Variants in DCLK1 observed in about 807,000 individuals in gnomAD.
DCLK1 encodes the protein doublecortin like kinase 1.
In DCLK1, 16 loss-of-function variants were observed where a neutral mutation model predicts 86.2. The ratio of observed to expected loss-of-function variants is 0.19; its 90% confidence interval spans 0.13 to 0.28. The LOEUF is 0.28. DCLK1 is among the 10% of genes least tolerant of loss of function. The pLI, the probability that DCLK1 is intolerant of heterozygous loss-of-function variation, is 1.00. For synonymous variants in DCLK1, 369 were observed against 370.5 expected, an observed-to-expected ratio of 1.00 and a Z score of 0.05; for missense variants, 590 against 940.2, an observed-to-expected ratio of 0.63 and a Z score of 4.87.
intron 3 of DCLK1, among the ~76,000 whole-genome samples, chr13:36,017,247 T>C (rs865881526): frequency 6.6e-6 from 1 of 152,172 alleles, no homozygotes; most frequent in Non-Finnish European, 1.5e-5. Context: ...GTGGAATAAT[T>C]ATTTTCACAG....
At chr13:35,911,791 C>A (rs1052963462) in intron 4 of DCLK1, among the ~76,000 whole-genome samples, 4 of 152,120 alleles carry the variant, frequency 2.6e-5, no homozygotes, top group Non-Finnish European at 4.4e-5. Flanking sequence ...CCATATACAC[C>A]CTTTAACTTA....
chr13:36,118,523 A>G (rs2138203781), intron 2 of DCLK1, among the ~76,000 whole-genome samples: 1 of 152,238 alleles, frequency 6.6e-6, no homozygotes, highest in South Asian at 2.1e-4. Context: ...GGCAGTAAAG[A>G]AGGAAATTAA....
chr13:35,905,436 C>T (rs757420736), intron 4 of DCLK1, among the ~76,000 whole-genome samples: 2 of 152,196 alleles, frequency 1.3e-5, no homozygotes, highest in South Asian at 2.1e-4. Context: ...AGCCAGGAGG[C>T]GCACAGCCCT....
intron 3 of DCLK1, among the ~76,000 whole-genome samples, chr13:36,092,206 G>GT (rs759738489): frequency 0.029 from 4,300 of 148,360 alleles, 78 homozygotes; most frequent in Non-Finnish European, 0.042. Context: ...GGCTCTTGAG[G>GT]TTTTTTTTTT....
rs1023697400 is a variant in DCLK1, at chr13:35,769,780, G to T, written c.*4755C>A. ...ATTTTACATTAAAGCAACATTAAGG[G>T]TCTCAATTTCATTGAACAGAAACAA... On this transcript the variant is annotated 3_prime_UTR_variant, in exon 17 of 17. Coordinates refer to ENST00000360631, the MANE Select transcript of DCLK1 (RefSeq NM_001330071.2). The T allele has an allele frequency of 2.0e-5, 3 of 152,080 alleles. No individual in the cohort carries two copies. Among genetic ancestry groups the T allele is most frequent in the Admixed American group, 1.3e-4 (2 of 15,262 alleles). 9.4% of individuals were successfully genotyped at this position (152,080 alleles called of 1,614,324 possible).
chr13:35,919,500 A>T (rs1477541499), intron 4 of DCLK1, among the ~76,000 whole-genome samples: 1 of 152,156 alleles, frequency 6.6e-6, no homozygotes, highest in Non-Finnish European at 1.5e-5. Flanking sequence ...GCTCCGGCTG[A>T]AGGAGAGGGT....
intron 3 of DCLK1, among the ~76,000 whole-genome samples, chr13:35,949,825 GTT>G (rs34920645): frequency 1.5e-5 from 2 of 130,672 alleles, no homozygotes; most frequent in East Asian, 2.2e-4. Context: ...ATCTTGGGCA[GTT>G]TTTTTTTTTT....
intron 16 of DCLK1, among the ~76,000 whole-genome samples, chr13:35,781,674 G>A (rs1482651865): frequency 6.6e-6 from 1 of 152,112 alleles, no homozygotes; most frequent in African/African-American, 2.4e-5. Context: ...ATCACATATA[G>A]TCTTCATTTC....
At chr13:35,826,886 GGT>G (rs2153105902) in intron 10 of DCLK1, among the ~76,000 whole-genome samples, 1 of 152,166 alleles carries the variant, frequency 6.6e-6, no homozygotes, top group East Asian at 2.0e-4. Flanking sequence ...CTCCAACTAA[GGT>G]AGACATTACT....
rs78144124 is a variant in DCLK1, at chr13:35,893,422, C to T, written c.824-22082G>A. On this transcript the variant is annotated intron_variant, in intron 4 of 16. Transcript: ENST00000360631. ...ACTTTGACAAAGTCATCAATAGCTACCATTTATTGAGCACTTCCTGTGTGC... is the reference window on the plus strand; with the variant it reads ...ACTTTGACAAAGTCATCAATAGCTATCATTTATTGAGCACTTCCTGTGTGC... Among the ~76,000 whole-genome samples, 613 of 152,314 alleles carry T rather than the reference C, an allele frequency of 4.0e-3. 11 individuals carry two copies. The highest frequency in any genetic ancestry group is 0.014 in the African/African-American group (585 of 41,562).
At chr13:36,028,521 C>T (rs1882134000) in intron 3 of DCLK1, among the ~76,000 whole-genome samples, 1 of 152,170 alleles carries the variant, frequency 6.6e-6, no homozygotes, top group Admixed American at 6.5e-5. Context: ...CTTGCTTCCT[C>T]CCGCCCTCCA....
At chr13:36,041,119 C>T (rs1226129627) in intron 3 of DCLK1, among the ~76,000 whole-genome samples, 1 of 152,068 alleles carries the variant, frequency 6.6e-6, no homozygotes, top group East Asian at 1.9e-4. Context: ...TGCTACTAGG[C>T]CCTCTCAGTT....
intron 5 of DCLK1, among the ~76,000 whole-genome samples, chr13:35,857,032 A>G (rs1213450799): frequency 6.6e-6 from 1 of 152,186 alleles, no homozygotes; most frequent in African/African-American, 2.4e-5. Flanking sequence ...GGTAAACCAG[A>G]GAACTAAGCT....
intron 3 of DCLK1, among the ~76,000 whole-genome samples, chr13:36,066,849 C>T (rs961527486): frequency 1.5e-4 from 23 of 151,704 alleles, no homozygotes; most frequent in Admixed American, 1.1e-3. Context: ...AAATCAAAAC[C>T]ACAATGAGAT....
At chr13:35,848,684 T>C (rs561589937) in intron 6 of DCLK1, 66 of 985,364 alleles carry the variant, frequency 6.7e-5, no homozygotes, top group Non-Finnish European at 7.4e-5. Context: ...GTCCATAAGA[T>C]TGACAGTGCA....
chr13:35,944,729 T>TCACA (rs1877270218), intron 4 of DCLK1, among the ~76,000 whole-genome samples: 3 of 152,136 alleles, frequency 2.0e-5, no homozygotes, highest in African/African-American at 7.2e-5. Flanking sequence ...AGGGTATTAT[T>TCACA]CATCCAGGGA....
At chr13:35,872,838 C>A (rs772285860) in intron 4 of DCLK1, among the ~76,000 whole-genome samples, 1 of 152,020 alleles carries the variant, frequency 6.6e-6, no homozygotes, top group African/African-American at 2.4e-5. Flanking sequence ...CACATATATA[C>A]ATAGCCAGGT....
intron 10 of DCLK1, among the ~76,000 whole-genome samples, chr13:35,825,820 A>AT (rs61515185): frequency 0.69 from 103,505 of 150,186 alleles, 36,228 homozygotes; most frequent in Non-Finnish European, 0.75. Context: ...TTTCTTTTTT[A>AT]TTTTTTTTTG....
chr13:36,077,851 G>A (rs973956094), intron 3 of DCLK1, among the ~76,000 whole-genome samples: 3 of 152,080 alleles, frequency 2.0e-5, no homozygotes, highest in Non-Finnish European at 4.4e-5. Flanking sequence ...TGCTGATGTC[G>A]GGGACATACA....
Sources: gnomAD v4.1 joint callset for allele counts (sites outside exome capture counted in the v4.1 genomes callset) on GRCh38, gnomAD v4.1.1 for gene constraint, MANE v1.5 for transcripts, NCBI Gene and HGNC (gene_info 2026-07-23, HGNC 2026-07-21) for gene names.